FAM120A: variants seen among roughly 807,000 people sequenced by gnomAD.
The protein encoded by FAM120A is constitutive coactivator of PPAR-gamma-like protein 1.
Under a neutral mutation model 109.7 loss-of-function variants are expected in FAM120A, and 15 were observed. The observed-to-expected ratio is 0.14, with a 90% confidence interval of 0.09 to 0.21. The LOEUF (loss-of-function observed/expected upper bound fraction) is 0.21. Ranked by LOEUF, FAM120A falls within the 10% of genes least tolerant of loss-of-function variation. The pLI is 1.00. For missense variants in FAM120A, 899 were observed against 1,439.3 expected (o/e 0.62, Z 6.07); for synonymous variants, 493 against 572.8 (o/e 0.86, Z 1.99).
intron 1 of FAM120A, among the ~76,000 whole-genome samples, chr9:93,465,656 A>G (rs189166889): frequency 3.6e-4 from 55 of 152,192 alleles, no homozygotes; most frequent in Non-Finnish European, 7.4e-4. Context: ...AATATCCCTC[A>G]CTCAGCTTCC....
chr9:93,546,765 C>G (rs1861907744), intron 11 of FAM120A, among the ~76,000 whole-genome samples: 2 of 152,240 alleles, frequency 1.3e-5, no homozygotes, highest in Non-Finnish European at 2.9e-5. Flanking sequence ...CAATAACCTT[C>G]TCTTTACAAA....
intron 7 of FAM120A, among the ~76,000 whole-genome samples, chr9:93,518,358 G>A (rs575633325): frequency 6.6e-6 from 1 of 152,288 alleles, no homozygotes; most frequent in East Asian, 1.9e-4. Context: ...TGTATCTGCA[G>A]TGTATAATGT....
chr9:93,563,471 C>T (rs1220806814), intron 17 of FAM120A, among the ~76,000 whole-genome samples: 3 of 152,158 alleles, frequency 2.0e-5, no homozygotes, highest in South Asian at 2.1e-4. Context: ...GACATTTTAA[C>T]GGGTGAAGAC....
intron 5 of FAM120A, among the ~76,000 whole-genome samples, chr9:93,510,891 A>G (rs397834983): frequency 0.014 from 2,042 of 144,974 alleles, 71 homozygotes; most frequent in African/African-American, 0.055. Context: ...GGCACTGGGT[A>G]GATTCGAATG....
Position 93,556,396 on chromosome 9 carries a change from T to G in FAM120A, c.2289T>G (p.Asp763Glu). The change falls in exon 13 of 18, where the codon GAT (aspartate) becomes GAG (glutamate). Residue 763 changes from aspartate to glutamate, a missense_variant. This residue lies in a region of FAM120A where 52 missense variants were observed against 49.7 expected (regional missense o/e 1.05). Transcript: ENST00000277165. ...TCAATTTAAAGATTGAGAACCTAGA[T>G]CCCCGAGGAATTCAGCTATCAGCTC... ...QLQELKIENLDPRGIQLSALF... is the reference protein window; with the variant it reads ...QLQELKIENLEPRGIQLSALF... The G allele has an allele frequency of 6.2e-7, 1 of 1,614,054 alleles. No homozygotes were observed. Among genetic ancestry groups the G allele is most frequent in the Non-Finnish European group, 8.5e-7 (1 of 1,179,910 alleles).
chr9:93,468,360 C>T (rs1464073037), intron 1 of FAM120A, among the ~76,000 whole-genome samples: 1 of 152,234 alleles, frequency 6.6e-6, no homozygotes, highest in Non-Finnish European at 1.5e-5. Flanking sequence ...AAGCTAGACC[C>T]TTGACGTGAA....
At chr9:93,465,883 T>C (rs1857991525) in intron 1 of FAM120A, among the ~76,000 whole-genome samples, 1 of 152,210 alleles carries the variant, frequency 6.6e-6, no homozygotes, top group Non-Finnish European at 1.5e-5. Flanking sequence ...TCTTGACACT[T>C]CTGAGGAGTA....
At chr9:93,458,145 C>T (rs143354244) in intron 1 of FAM120A, among the ~76,000 whole-genome samples, 59 of 151,652 alleles carry the variant, frequency 3.9e-4, no homozygotes, top group African/African-American at 1.4e-3. Context: ...GACACTGACT[C>T]TTCACCTCTC....
intron 8 of FAM120A, 67 bp downstream of exon 8, chr9:93,527,309 A>G: frequency 1.8e-6 from 2 of 1,106,138 alleles, no homozygotes; most frequent in South Asian, 2.6e-5. Context: ...TGTATTAGTG[A>G]TCAAATAGTG....
intron 12 of FAM120A, among the ~76,000 whole-genome samples, chr9:93,554,051 A>G (rs550146690): frequency 6.6e-6 from 1 of 151,564 alleles, no homozygotes; most frequent in Non-Finnish European, 1.5e-5. Context: ...ACCATTAATT[A>G]TCTTGAAACT....
At chr9:93,502,882 A>G (rs1859867778) in intron 5 of FAM120A, among the ~76,000 whole-genome samples, 3 of 152,232 alleles carry the variant, frequency 2.0e-5, no homozygotes, top group Admixed American at 2.0e-4. Flanking sequence ...TTGCTTCAAA[A>G]TCATTGGTGG....
intron 1 of FAM120A, among the ~76,000 whole-genome samples, chr9:93,453,769 G>A (rs1026438736): frequency 5.3e-5 from 8 of 152,206 alleles, no homozygotes; most frequent in Non-Finnish European, 7.3e-5. Flanking sequence ...GGAGCCTGGG[G>A]CGCTCAGGGA....
chr9:93,541,605 A>C (rs1333660902), intron 10 of FAM120A, among the ~76,000 whole-genome samples: 1 of 152,246 alleles, frequency 6.6e-6, no homozygotes, highest in African/African-American at 2.4e-5. Context: ...GAGTGTTTGA[A>C]ATATTCCTTT....
At chr9:93,554,323 T>C (rs1370600356) in intron 12 of FAM120A, among the ~76,000 whole-genome samples, 1 of 152,172 alleles carries the variant, frequency 6.6e-6, no homozygotes, top group African/African-American at 2.4e-5. Flanking sequence ...TTTGGTTACA[T>C]TAGTCTTAAA....
At chr9:93,490,532 T>TGTTG (rs1371879227) in intron 3 of FAM120A, among the ~76,000 whole-genome samples, 4 of 152,244 alleles carry the variant, frequency 2.6e-5, no homozygotes, top group Admixed American at 2.6e-4. Context: ...TACTGTGGCA[T>TGTTG]GTTGGGTTTA....
chr9:93,485,745 C>T (rs949551875), intron 3 of FAM120A, among the ~76,000 whole-genome samples: 1 of 152,244 alleles, frequency 6.6e-6, no homozygotes, highest in South Asian at 2.1e-4. Flanking sequence ...GACTCTAGCC[C>T]CTGTCACCCC....
At chr9:93,484,821 G>A (rs1051089227) in intron 3 of FAM120A, among the ~76,000 whole-genome samples, 1 of 152,156 alleles carries the variant, frequency 6.6e-6, no homozygotes, top group Admixed American at 6.5e-5. Flanking sequence ...TGATCCACCC[G>A]CCTCGGCCTC....
At chr9:93,459,137 T>G (rs1186945883) in intron 1 of FAM120A, among the ~76,000 whole-genome samples, 1 of 152,228 alleles carries the variant, frequency 6.6e-6, no homozygotes, top group African/African-American at 2.4e-5. Flanking sequence ...TCTTGATATT[T>G]GAAAAAGTGG....
At position 93,521,972 on chromosome 9, in the gene FAM120A, T is replaced by A. The variant is rs1860865715; in HGVS notation, c.1419-5183T>A. Among the ~76,000 whole-genome samples the A allele has an allele frequency of 2.6e-5, 4 of 152,120 alleles. No individual in the cohort carries two copies. In the South Asian group the frequency reaches 8.3e-4, roughly 32 times the overall value. ...GTGTTTGCTTGTAGTCCCAGCTACT[T>A]GGGAGGCTGAGGTAGGAGAATTGCT... is the stretch of plus-strand genomic sequence containing the variant. On this transcript the variant is annotated intron_variant, in intron 7 of 17. Coordinates refer to ENST00000277165, the MANE Select transcript of FAM120A (RefSeq NM_014612.5).
Sources: gnomAD v4.1 joint callset for allele counts (sites outside exome capture counted in the v4.1 genomes callset) on GRCh38, gnomAD v4.1.1 for gene constraint, gnomAD v4.1.1 regional missense constraint, MANE v1.5 for transcripts, NCBI Gene and HGNC (gene_info 2026-07-23, HGNC 2026-07-21) for gene names.